The following PRPF38A variants were observed in gnomAD, a reference collection of about 807,000 sequenced individuals.
The protein encoded by PRPF38A is pre-mRNA processing factor 38A, also known as pre-mRNA-splicing factor 38A.
In PRPF38A, 11 loss-of-function variants were observed where a neutral mutation model predicts 46.8. The observed-to-expected ratio is 0.24, with a 90% CI of 0.15 to 0.39. The LOEUF (loss-of-function observed/expected upper bound fraction) is 0.39, where lower values mean the gene tolerates loss of function less well. Ranked by LOEUF, PRPF38A falls within the 10% of genes least tolerant of loss-of-function variation. The pLI, the probability that PRPF38A is intolerant of heterozygous loss-of-function variation, is 1.00. For synonymous variants in PRPF38A, 124 were observed against 136.2 expected (o/e 0.91, Z 0.62); for missense variants, 261 against 407.5 (o/e 0.64, Z 3.10).
intron 2 of PRPF38A, 168 bp from the exon 3 acceptor site, chr1:52,408,401 T>A (rs1448529609): frequency 1.2e-6 from 1 of 835,410 alleles, no homozygotes; most frequent in East Asian, 2.5e-5. Context: ...AACTCAGGTC[T>A]CCATATTTTA....
Position 52,416,627 on chromosome 1 carries a change from TTATA to T in PRPF38A, c.897-19_897-16del. ...CCTGGCTGCTTCTTAATATAATTATTTATATGTGTTGCCATTTCAGGTCTAAGAA... is the reference window on the plus strand; with the variant it reads ...CCTGGCTGCTTCTTAATATAATTATTTGTGTTGCCATTTCAGGTCTAAGAA... On this transcript the variant is annotated splice_polypyrimidine_tract_variant and intron_variant, in intron 9 of 9. Transcript: ENST00000257181. 1.9e-6 allele frequency: 3 copies of T among 1,598,306 alleles called. No individual in the cohort carries two copies. The highest frequency in any genetic ancestry group is 2.6e-6 in the Non-Finnish European group (3 of 1,165,994).
Position 52,413,919 on chromosome 1 carries a change from A to G in PRPF38A, c.650A>G (p.Tyr217Cys). Residue 217 changes from tyrosine to cysteine, a missense_variant, in exon 6 of 10, where the codon TAC becomes TGC. Transcript: ENST00000257181. ...TCACCTGATCACCGCCGGAGAAGCT[A>G]CCGAGACTTGGACAAGCCCCGTCGC... ...VPSPDHRRRS[Y>C]RDLDKPRRSP... The G allele has an allele frequency of 3.7e-6, 6 of 1,614,000 alleles. No individual in the cohort carries two copies. Among genetic ancestry groups the G allele is most frequent in the Non-Finnish European group, 5.1e-6 (6 of 1,179,960 alleles).
At chr1:52,404,949 G>C in intron 1 of PRPF38A, 70 bp downstream of exon 1, 1 of 1,569,388 alleles carries the variant, frequency 6.4e-7, no homozygotes, top group Non-Finnish European at 8.7e-7. Context: ...GCGCGGGTAG[G>C]ACTAGCGACT....
rs557143619 is a variant in PRPF38A, at chr1:52,417,949, G to T, written c.*1259G>T. 1 of 152,728 alleles carries T rather than the reference G, an allele frequency of 6.5e-6. No individual in the cohort carries two copies. Among genetic ancestry groups the T allele is most frequent in the Admixed American group, 6.5e-5 (1 of 15,296 alleles). The allele number at this position is 152,728 out of a possible 1,614,324, so 9.5% of individuals were successfully genotyped here. A position where few individuals can be genotyped will look rare whatever the true frequency, so the allele number is the denominator to read the frequency against. ...ACATCGATAATCAAGAGATTATTAA[G>T]ATCTTTGCTAGAAGAGTTCCTTTAC... On this transcript the variant is annotated 3_prime_UTR_variant, in exon 10 of 10. Transcript: ENST00000257181.
intron 6 of PRPF38A, 114 bp from the exon 7 acceptor site, chr1:52,414,507 G>T: frequency 1.9e-6 from 2 of 1,080,114 alleles, no homozygotes; most frequent in South Asian, 2.7e-5. Flanking sequence ...CAAAAGACAT[G>T]GATACAGAGG....
intron 1 of PRPF38A, 31 bp downstream of exon 1, chr1:52,404,910 C>T (rs1159996688): frequency 3.7e-6 from 6 of 1,610,216 alleles, no homozygotes; most frequent in Middle Eastern, 1.7e-4. Flanking sequence ...CGCCTCTCAG[C>T]CCCCTTGTGG....
chr1:52,408,554 T>C lies in PRPF38A; in HGVS notation c.291-15T>C. 3 of 1,614,064 alleles carry C rather than the reference T, an allele frequency of 1.9e-6. No homozygotes were observed. The highest frequency in any genetic ancestry group is 2.5e-6 in the Non-Finnish European group (3 of 1,179,938). On this transcript the variant is annotated splice_polypyrimidine_tract_variant and intron_variant, in intron 2 of 9. Transcript: ENST00000257181. ...TCTAGGATGGCCTGTTGTTTCACTG[T>C]CATCTGTCTCTCAGGTATGTCCGCA...
chr1:52,408,113 C>A (rs1249660863), intron 2 of PRPF38A, among the ~76,000 whole-genome samples: 1 of 149,454 alleles, frequency 6.7e-6, no homozygotes, highest in African/African-American at 2.5e-5. Flanking sequence ...TGGTGGCGGG[C>A]GCCTGTAATC....
intron 1 of PRPF38A, 108 bp downstream of exon 1, chr1:52,404,987 G>T: frequency 7.4e-7 from 1 of 1,356,754 alleles, no homozygotes; most frequent in Non-Finnish European, 1.0e-6. Context: ...CTGGAACGGA[G>T]TATGTCGATC....
At chr1:52,411,762 A>C (rs1321618291) in intron 4 of PRPF38A, among the ~76,000 whole-genome samples, 1 of 138,302 alleles carries the variant, frequency 7.2e-6, no homozygotes, top group Non-Finnish European at 1.6e-5. Context: ...TCTTTTCAGG[A>C]AATGAGTGTG....
At chr1:52,412,432 T>C (rs1053205416) in intron 4 of PRPF38A, 82 bp from the exon 5 acceptor site, 101 of 919,464 alleles carry the variant, frequency 1.1e-4, no homozygotes, top group Non-Finnish European at 1.6e-4. Flanking sequence ...TGTTGCTCCT[T>C]GGAACCCTGA....
At chr1:52,411,278 T>TC in intron 4 of PRPF38A, 78 bp downstream of exon 4, 1 of 998,548 alleles carries the variant, frequency 1.0e-6, no homozygotes, top group Non-Finnish European at 1.6e-6. Flanking sequence ...ACACACAGCT[T>TC]AAACACTGAA....
chr1:52,409,221 C>T (rs1472436635), intron 3 of PRPF38A: 3 of 152,932 alleles, frequency 2.0e-5, no homozygotes, highest in African/African-American at 7.2e-5. Context: ...GGAGGGATTC[C>T]AGGTAATGCA....
At position 52,408,193 on chromosome 1, in the gene PRPF38A, T is replaced by C. The variant is rs929514905; in HGVS notation, c.291-376T>C. 7 of 353,056 alleles carry C rather than the reference T, an allele frequency of 2.0e-5. No individual in the cohort carries two copies. The East Asian group carries it at 4.6e-4, about 23-fold the overall frequency. The allele number at this position is 353,056 out of a possible 1,614,324, so 21.9% of individuals were successfully genotyped here. A position where few individuals can be genotyped will look rare whatever the true frequency, so the allele number is the denominator to read the frequency against. Reference sequence around the variant, plus strand: ...AGGCGGAGGTTGCAGTGAGCCAAGATCGTGCCACTGCACTGCAGCCTGGGC... The same window carrying C: ...AGGCGGAGGTTGCAGTGAGCCAAGACCGTGCCACTGCACTGCAGCCTGGGC... On this transcript the variant is annotated intron_variant, in intron 2 of 9. Coordinates refer to ENST00000257181, the MANE Select transcript of PRPF38A (RefSeq NM_032864.4).
intron 7 of PRPF38A, 45 bp downstream of exon 7, chr1:52,414,692 G>T: frequency 6.2e-7 from 1 of 1,613,836 alleles, no homozygotes; most frequent in Non-Finnish European, 8.5e-7. Flanking sequence ...CTTTGGGGAG[G>T]GGGTGGTGGT....
At chr1:52,408,195 G>A (rs888070288) in intron 2 of PRPF38A, 9 of 352,766 alleles carry the variant, frequency 2.6e-5, no homozygotes, top group East Asian at 1.5e-4. Context: ...AGCCAAGATC[G>A]TGCCACTGCA....
intron 4 of PRPF38A, among the ~76,000 whole-genome samples, chr1:52,411,979 C>T (rs985650265): frequency 6.6e-6 from 1 of 152,188 alleles, no homozygotes; most frequent in Admixed American, 6.5e-5. Flanking sequence ...CATGCCACTA[C>T]ATTTAGCCAT....
At chr1:52,407,628 A>T (rs1275492243) in intron 2 of PRPF38A, among the ~76,000 whole-genome samples, 1 of 152,210 alleles carries the variant, frequency 6.6e-6, no homozygotes, top group Non-Finnish European at 1.5e-5. Context: ...CTGTTTTAAA[A>T]TTCAATATAT....
chr1:52,410,736 A>G (rs1186912748), intron 3 of PRPF38A, among the ~76,000 whole-genome samples: 1 of 152,156 alleles, frequency 6.6e-6, no homozygotes, highest in Non-Finnish European at 1.5e-5. Context: ...TCCTAACCTC[A>G]AGTGATCTGC....
Sources: allele counts gnomAD v4.1 joint callset (sites outside exome capture counted in the v4.1 genomes callset), GRCh38; gene constraint gnomAD v4.1.1; transcripts MANE v1.5; gene names NCBI Gene and HGNC (gene_info 2026-07-23, HGNC 2026-07-21).